The following PVT1 variants were observed in gnomAD, a reference collection of about 807,000 sequenced individuals.
The protein encoded by PVT1 is CXCR4/PVT1 fusion.
At chr8:128,085,764 T>C (rs942058053) in intron 5 of PVT1, among the ~76,000 whole-genome samples, 1 of 152,202 alleles carries the variant, frequency 6.6e-6, no homozygotes, top group Non-Finnish European at 1.5e-5. Flanking sequence ...TTTGGAGATA[T>C]TGAAATTTGA....
In PVT1 at chr8:127,806,184, T is replaced by C. The variant is rs1814524312; in HGVS notation, n.372+10113T>C. ...GCTCATAGAAAGCAAAGTAGATGGCTGGGCACCGTGGCTCATGCCTATAAT... is the reference window on the plus strand; with the variant it reads ...GCTCATAGAAAGCAAAGTAGATGGCCGGGCACCGTGGCTCATGCCTATAAT... On this transcript the variant is annotated intron_variant and non_coding_transcript_variant, in intron 2 of 10. Transcript: ENST00000651587. Among the ~76,000 whole-genome samples the C allele has an allele frequency of 3.3e-5, 5 of 152,184 alleles. No individual in the cohort carries two copies. The South Asian group carries it at 8.3e-4, about 25-fold the overall frequency.
rs555737080 is a variant in PVT1 at position 127,820,185 on chromosome 8, G to A, written n.372+24114G>A. Among the ~76,000 whole-genome samples the A allele has an allele frequency of 2.6e-5, 4 of 152,248 alleles. No individual in the cohort carries two copies. In the South Asian group the frequency reaches 6.2e-4, roughly 24 times the overall value. On this transcript the variant is annotated intron_variant and non_coding_transcript_variant, in intron 2 of 10. Transcript: ENST00000651587. ...AATAGGGAAGGGTTGCCTCTGTGTGGGTTGGGAGTTTAATCAGCAAGAGTG... is the reference window on the plus strand; with the variant it reads ...AATAGGGAAGGGTTGCCTCTGTGTGAGTTGGGAGTTTAATCAGCAAGAGTG...
chr8:127,830,329 AG>A (rs1199700836), intron 2 of PVT1, among the ~76,000 whole-genome samples: 1 of 152,108 alleles, frequency 6.6e-6, no homozygotes, highest in African/African-American at 2.4e-5. Context: ...AGATAGCAGA[AG>A]TGGAGGGAGA....
intron 4 of PVT1, among the ~76,000 whole-genome samples, chr8:128,027,913 TC>T (rs1192487493): frequency 6.6e-6 from 1 of 152,192 alleles, no homozygotes; most frequent in Non-Finnish European, 1.5e-5. Context: ...TGAGCCTGTT[TC>T]CCTTGTATGT....
intron 4 of PVT1, among the ~76,000 whole-genome samples, chr8:128,022,393 G>C (rs542344435): frequency 6.6e-6 from 1 of 152,342 alleles, no homozygotes; most frequent in East Asian, 1.9e-4. Flanking sequence ...GTTGACTGCA[G>C]CTATTTAATT....
chr8:127,879,559 C>CAA (rs58429640), intron 2 of PVT1, among the ~76,000 whole-genome samples: 2 of 152,010 alleles, frequency 1.3e-5, no homozygotes, highest in African/African-American at 4.8e-5. Context: ...AACAAACAAA[C>CAA]AAAAAAGAAC....
intron 2 of PVT1, among the ~76,000 whole-genome samples, chr8:127,863,197 C>T (rs966097651): frequency 2.9e-4 from 44 of 151,924 alleles, no homozygotes; most frequent in African/African-American, 9.4e-4. Context: ...CTGCAACCTC[C>T]GCCTCTTGGG....
At position 128,093,059 on chromosome 8, in the gene PVT1, G is replaced by T. The variant is rs2392938; in HGVS notation, n.1115-3459G>T. On this transcript the variant is annotated intron_variant and non_coding_transcript_variant, in intron 5 of 10. Transcript: ENST00000651587. The stretch of plus-strand genomic sequence containing the variant: ...GAATAATATATATATGCAACTTTAA[G>T]ATCTGTCTTTCTTTTTTGATCTTTT... 2.0e-5 allele frequency among the ~76,000 whole-genome samples: 3 copies of T among 151,948 alleles called. No homozygotes were observed. In the East Asian group the frequency reaches 5.8e-4, roughly 29 times the overall value.
chr8:127,799,913 C>T (rs887029181), intron 2 of PVT1, among the ~76,000 whole-genome samples: 1 of 152,190 alleles, frequency 6.6e-6, no homozygotes, highest in African/African-American at 2.4e-5. Flanking sequence ...CAGAAACAAG[C>T]CCTGGCTTAT....
chr8:128,045,594 G>T (rs762451129), intron 4 of PVT1, among the ~76,000 whole-genome samples: 1 of 152,218 alleles, frequency 6.6e-6, no homozygotes, highest in Non-Finnish European at 1.5e-5. Flanking sequence ...GGCTGTATTT[G>T]TTGGTATTTT....
chr8:128,016,615 G>T (rs1253723171), intron 4 of PVT1, among the ~76,000 whole-genome samples: 1 of 152,178 alleles, frequency 6.6e-6, no homozygotes, highest in Non-Finnish European at 1.5e-5. Flanking sequence ...ATTGTCTTTG[G>T]TTTTGTTTTC....
intron 3 of PVT1, among the ~76,000 whole-genome samples, chr8:127,900,700 A>G (rs1815748937): frequency 6.6e-6 from 1 of 152,206 alleles, no homozygotes; most frequent in Admixed American, 6.5e-5. Flanking sequence ...TGTCATGAGC[A>G]TCCTAGCACA....
intron 3 of PVT1, among the ~76,000 whole-genome samples, chr8:127,906,955 T>C (rs919724044): frequency 2.7e-4 from 37 of 138,026 alleles, no homozygotes; most frequent in African/African-American, 3.9e-4. Flanking sequence ...CACTCTCTCT[T>C]TTTTTTTTTT....
At chr8:127,795,285 A>T (rs538859558) in intron 1 of PVT1, among the ~76,000 whole-genome samples, 71 of 152,138 alleles carry the variant, frequency 4.7e-4, no homozygotes, top group Non-Finnish European at 6.8e-4. Flanking sequence ...TGGGCTGTTG[A>T]TTTAATTAGG....
At chr8:127,842,420 A>AT (rs923210234) in intron 2 of PVT1, among the ~76,000 whole-genome samples, 28 of 148,596 alleles carry the variant, frequency 1.9e-4, no homozygotes, top group South Asian at 4.3e-4. Flanking sequence ...GCACCAGGCT[A>AT]TTTTTTTTTT....
chr8:127,799,003 T>A (rs1296945923), intron 2 of PVT1, among the ~76,000 whole-genome samples: 1 of 152,146 alleles, frequency 6.6e-6, no homozygotes, highest in Non-Finnish European at 1.5e-5. Flanking sequence ...AAAAACAATG[T>A]CAGGTCATAA....
At chr8:128,049,153 CA>C (rs1813655560) in intron 4 of PVT1, 3 of 529,840 alleles carry the variant, frequency 5.7e-6, no homozygotes, top group South Asian at 4.2e-5. Flanking sequence ...CCTCCATGTG[CA>C]GGGCTGGCAG....
At chr8:127,845,572 C>T (rs1243071894) in intron 2 of PVT1, among the ~76,000 whole-genome samples, 2 of 152,184 alleles carry the variant, frequency 1.3e-5, no homozygotes, top group South Asian at 2.1e-4. Flanking sequence ...CTTAAGAATG[C>T]TAGTCCTTGA....
intron 2 of PVT1, among the ~76,000 whole-genome samples, chr8:127,817,521 C>CT (rs58607405): frequency 1.0e-3 from 48 of 46,918 alleles, no homozygotes; most frequent in South Asian, 2.1e-3. Context: ...ATAGATATAT[C>CT]TATTTAAATA....
Sources: allele counts gnomAD v4.1 joint callset (sites outside exome capture counted in the v4.1 genomes callset), GRCh38; gene constraint gnomAD v4.1.1; transcripts MANE v1.5; gene names NCBI Gene and HGNC (gene_info 2026-07-23, HGNC 2026-07-21).